ADAM32: variants seen among roughly 807,000 people sequenced by gnomAD.
The protein encoded by ADAM32 is disintegrin and metalloproteinase domain-containing protein 32.
In ADAM32, 89 loss-of-function variants were observed where a neutral mutation model predicts 114.9. The ratio of observed to expected loss-of-function variants is 0.77; its 90% CI spans 0.65 to 0.92. The LOEUF is 0.92. Among genes scored for constraint, ADAM32 ranks in the 40% least tolerant of loss-of-function variants. The pLI, the probability that ADAM32 is intolerant of heterozygous loss-of-function variation, is 0.00. For missense variants in ADAM32, 870 were observed against 932.8 expected (o/e 0.93, Z 0.88); for synonymous variants, 285 against 307.5 (o/e 0.93, Z 0.77).
intron 12 of ADAM32, among the ~76,000 whole-genome samples, chr8:39,212,815 T>G (rs1585554124): frequency 6.6e-6 from 1 of 152,182 alleles, no homozygotes; most frequent in East Asian, 1.9e-4. Context: ...TATAAGAAAT[T>G]GCCAAAATAT....
Position 39,160,963 on chromosome 8 carries a change from T to G in ADAM32, c.592T>G (p.Leu198Val). Residue 198 changes from leucine (L) to valine (V), a missense_variant and splice_region_variant, in exon 7 of 25, where the codon TTG becomes GTG. Physicochemically the swap from Leu to Val is conservative, Grantham distance 32 (BLOSUM62 1). Transcript: ENST00000379907. ...AATGCATATTGTGGTGGACAAAACT[T>G]TGGTATGTGTTTTGCTTTTTCTTTG... ...LEMHIVVDKT[L>V]YDYWGSDSMI... 1.3e-6 allele frequency: 2 copies of G among 1,585,998 alleles called. No homozygotes were observed. Among genetic ancestry groups the G allele is most frequent in the Non-Finnish European group, 1.7e-6 (2 of 1,166,402 alleles).
At chr8:39,218,711 C>T (rs1343629398) in intron 12 of ADAM32, among the ~76,000 whole-genome samples, 1 of 152,120 alleles carries the variant, frequency 6.6e-6, no homozygotes, top group Non-Finnish European at 1.5e-5. Context: ...CCAGTGATTC[C>T]TTAGTCAGCT....
rs1006537836 is a variant in ADAM32, at chr8:39,200,286, A to G, written c.1053-10858A>G. On this transcript the variant is annotated intron_variant, in intron 11 of 24. Transcript: ENST00000379907. ...CTCCACATCCTCTCCAGCACCTGTT[A>G]TTTCCTGACTTTTTAATGATTGCCA... 1.7e-3 allele frequency among the ~76,000 whole-genome samples: 258 copies of G among 152,056 alleles called. 1 individual carries two copies. The highest frequency in any genetic ancestry group is 5.8e-3 in the African/African-American group (240 of 41,494).
At chr8:39,186,105 T>A (rs1377601560) in intron 10 of ADAM32, among the ~76,000 whole-genome samples, 2 of 152,224 alleles carry the variant, frequency 1.3e-5, no homozygotes, top group Non-Finnish European at 2.9e-5. Flanking sequence ...CTGATTCCGT[T>A]TGCATTTTCC....
At chr8:39,264,728 A>G (rs1328151590) in intron 19 of ADAM32, among the ~76,000 whole-genome samples, 2 of 152,192 alleles carry the variant, frequency 1.3e-5, no homozygotes, top group Non-Finnish European at 2.9e-5. Flanking sequence ...GCTGTGTCCC[A>G]GAGTTTCTGT....
chr8:39,192,175 A>C (rs1417134211), intron 11 of ADAM32, among the ~76,000 whole-genome samples: 1 of 152,200 alleles, frequency 6.6e-6, no homozygotes, highest in Admixed American at 6.5e-5. Context: ...TTGTGTGCAT[A>C]GAGGTGTTTG....
intron 11 of ADAM32, among the ~76,000 whole-genome samples, chr8:39,198,749 T>C (rs1303405126): frequency 2.1e-5 from 3 of 146,076 alleles, no homozygotes; most frequent in Admixed American, 6.9e-5. Flanking sequence ...ATTTTTTTTT[T>C]CTCTTCTCCT....
chr8:39,164,389 G>A (rs1399842996), intron 7 of ADAM32, among the ~76,000 whole-genome samples: 2 of 152,192 alleles, frequency 1.3e-5, no homozygotes, highest in Admixed American at 6.5e-5. Context: ...AAGGATATAT[G>A]AGTTATTTCT....
chr8:39,284,382 C>CGT (rs1272591101), intron 24 of ADAM32, among the ~76,000 whole-genome samples: 3 of 148,812 alleles, frequency 2.0e-5, no homozygotes, highest in African/African-American at 7.7e-5. Context: ...CACACGTACA[C>CGT]ACACACACAC....
intron 3 of ADAM32, among the ~76,000 whole-genome samples, chr8:39,142,698 G>A (rs998501704): frequency 3.9e-5 from 6 of 152,174 alleles, no homozygotes; most frequent in South Asian, 4.1e-4. Context: ...TGCTCTTCCC[G>A]AGGAATATCT....
rs113015242 is a variant in ADAM32 at position 39,172,795 on chromosome 8, A to G, written c.915+2798A>G. Among the ~76,000 whole-genome samples, 567 of 152,322 alleles carry G rather than the reference A, an allele frequency of 3.7e-3. 1 individual carries two copies. The highest frequency in any genetic ancestry group is 0.013 in the African/African-American group (539 of 41,568). On this transcript the variant is annotated intron_variant, in intron 10 of 24. Coordinates refer to ENST00000379907, the MANE Select transcript of ADAM32 (RefSeq NM_145004.7). ...CTTTGCTATTGTGACTAGTGCTGCA[A>G]TGAACATACAGGTGCATGTGTCTTT...
intron 2 of ADAM32, among the ~76,000 whole-genome samples, chr8:39,126,403 G>A (rs1270928488): frequency 1.3e-5 from 2 of 152,136 alleles, no homozygotes; most frequent in Non-Finnish European, 1.5e-5. Flanking sequence ...TCCCTCGTTA[G>A]CTGCATTCCT....
At chr8:39,126,882 A>G (rs1376582552) in intron 2 of ADAM32, among the ~76,000 whole-genome samples, 1 of 152,086 alleles carries the variant, frequency 6.6e-6, no homozygotes, top group Admixed American at 6.6e-5. Flanking sequence ...ACATGAAGCA[A>G]TATTGAATTT....
intron 3 of ADAM32, 131 bp from the exon 4 acceptor site, chr8:39,146,999 C>A: frequency 3.1e-6 from 1 of 325,938 alleles, no homozygotes; most frequent in Non-Finnish European, 5.1e-6. Flanking sequence ...ATGGGTATGG[C>A]TGTGTTTCAA....
intron 11 of ADAM32, among the ~76,000 whole-genome samples, chr8:39,204,252 A>C (rs971813673): frequency 2.6e-5 from 4 of 152,196 alleles, no homozygotes; most frequent in African/African-American, 9.7e-5. Flanking sequence ...CATTCTCACC[A>C]TCACTTTCAG....
intron 11 of ADAM32, among the ~76,000 whole-genome samples, chr8:39,190,205 T>C (rs759798581): frequency 6.6e-6 from 1 of 152,236 alleles, no homozygotes; most frequent in Non-Finnish European, 1.5e-5. Flanking sequence ...TCCATTCATG[T>C]TGTTACAAAT....
At position 39,136,656 on chromosome 8, in the gene ADAM32, G is replaced by A; in HGVS notation, c.139-1G>A. ...ACTCTCAGTTGTTTTGAATTCTCTA[G>A]GAACAAATATCCTATATTATTCCAA... On this transcript the variant is annotated splice_acceptor_variant, in intron 2 of 24. Coordinates refer to ENST00000379907, the MANE Select transcript of ADAM32 (RefSeq NM_145004.7). LOFTEE classifies it high-confidence loss of function. 6.6e-7 allele frequency: 1 copy of A among 1,526,120 alleles called. No individual in the cohort carries two copies. Among genetic ancestry groups the A allele is most frequent in the Non-Finnish European group, 8.8e-7 (1 of 1,134,990 alleles). The allele number at this position is 1,526,120 out of a possible 1,614,324, so 94.5% of individuals were successfully genotyped here. A position where few individuals can be genotyped will look rare whatever the true frequency, so the allele number is the denominator to read the frequency against.
At position 39,244,261 on chromosome 8, in the gene ADAM32, A is replaced by T. The variant is rs190604015; in HGVS notation, c.1819-1822A>T. On this transcript the variant is annotated intron_variant, in intron 16 of 24. Transcript: ENST00000379907. ...TCATCATTCTTCACAGAACTGGAAA[A>T]AACGATCCTAAAATTCATATGGAAC... Among the ~76,000 whole-genome samples the T allele has an allele frequency of 7.2e-4, 110 of 152,352 alleles. No homozygotes were observed. In the Middle Eastern group the frequency reaches 0.01, roughly 14 times the overall value.
At chr8:39,220,883 TC>T (rs1417198956) in intron 12 of ADAM32, 1 of 152,038 alleles carries the variant, frequency 6.6e-6, no homozygotes, top group East Asian at 1.9e-4. Context: ...TAATATGTAT[TC>T]TATAGCTGTT....
Sources: gnomAD v4.1 joint callset for allele counts (sites outside exome capture counted in the v4.1 genomes callset) on GRCh38, gnomAD v4.1.1 for gene constraint, MANE v1.5 for transcripts, NCBI Gene and HGNC (gene_info 2026-07-23, HGNC 2026-07-21) for gene names.